CPEB4: variants seen among roughly 807,000 people sequenced by gnomAD.
CPEB4 encodes the protein cytoplasmic polyadenylation element-binding protein 4.
A neutral mutation model predicts 72.5 loss-of-function variants in CPEB4; 12 were observed. The ratio of observed to expected loss-of-function variants is 0.17; its 90% confidence interval spans 0.11 to 0.27. The LOEUF (loss-of-function observed/expected upper bound fraction) is 0.27, where lower values mean the gene tolerates loss of function less well. Ranked by LOEUF, CPEB4 falls within the 10% of genes least tolerant of loss-of-function variation. CPEB4 has a pLI of 1.00. For synonymous variants in CPEB4, 302 were observed against 326.3 expected (o/e 0.93, Z 0.80); for missense variants, 614 against 908.5 (o/e 0.68, Z 4.17).
In CPEB4 at chr5:173,958,791, A is replaced by G. The variant is rs1758457212; in HGVS notation, c.*2654A>G. On this transcript the variant is annotated 3_prime_UTR_variant, in exon 10 of 10. Coordinates refer to ENST00000265085, the MANE Select transcript of CPEB4 (RefSeq NM_030627.4). ...TTAAAATTATTCATAAAATGCAGAC[A>G]TTTTTGGTGAATGTTTAGCCATTTT... 1 of 152,680 alleles carries G rather than the reference A, an allele frequency of 6.5e-6. No individual in the cohort carries two copies. The highest frequency in any genetic ancestry group is 1.5e-5 in the Non-Finnish European group (1 of 68,024). The allele number at this position is 152,680 out of a possible 1,614,324, so 9.5% of individuals were successfully genotyped here.
At chr5:173,954,344 G>A (rs144355992) in intron 9 of CPEB4, among the ~76,000 whole-genome samples, 1 of 152,226 alleles carries the variant, frequency 6.6e-6, no homozygotes, top group African/African-American at 2.4e-5. Context: ...TTCTAAGCAT[G>A]GGGGAGGGAC....
Position 173,957,682 on chromosome 5 carries a change from T to C in CPEB4, c.*1545T>C, listed in dbSNP as rs529008738. On this transcript the variant is annotated 3_prime_UTR_variant, in exon 10 of 10. Coordinates refer to ENST00000265085, the MANE Select transcript of CPEB4 (RefSeq NM_030627.4). Reference sequence around the variant, plus strand: ...AGGTTTATTATCAGTGGGCAAAACATGAAATAATATGATCGAATGGCAATC... The same window carrying C: ...AGGTTTATTATCAGTGGGCAAAACACGAAATAATATGATCGAATGGCAATC... The C allele has an allele frequency of 6.5e-6, 1 of 152,870 alleles. No homozygotes were observed. The highest frequency in any genetic ancestry group is 2.4e-5 in the African/African-American group (1 of 41,574). The allele number at this position is 152,870 out of a possible 1,614,324, so 9.5% of individuals were successfully genotyped here. A position where few individuals can be genotyped will look rare whatever the true frequency, so the allele number is the denominator to read the frequency against.
intron 2 of CPEB4, among the ~76,000 whole-genome samples, chr5:173,911,758 CTTCA>C (rs368468085): frequency 0.013 from 1,846 of 139,084 alleles, 39 homozygotes; most frequent in African/African-American, 0.043. Context: ...CTGTTGGCTC[CTTCA>C]TTCATTCATT....
chr5:173,889,548 T>G lies in CPEB4; in HGVS notation c.-186T>G, dbSNP rs989061970. The G allele has an allele frequency of 1.2e-5, 6 of 492,008 alleles. No homozygotes were observed. Among genetic ancestry groups the G allele is most frequent in the Admixed American group, 3.8e-5 (1 of 26,412 alleles). 30.5% of individuals were successfully genotyped at this position (492,008 alleles called of 1,614,324 possible). Reference sequence around the variant, plus strand: ...AGAGATTTTTTTAAGAGTTGTTTTTTCTTTCAGAGACCAGAATTCCAAATC... The same window carrying G: ...AGAGATTTTTTTAAGAGTTGTTTTTGCTTTCAGAGACCAGAATTCCAAATC... On this transcript the variant is annotated 5_prime_UTR_variant, in exon 1 of 10. Coordinates refer to ENST00000265085, the MANE Select transcript of CPEB4 (RefSeq NM_030627.4).
intron 6 of CPEB4, 78 bp from the exon 7 acceptor site, chr5:173,949,882 T>C: frequency 2.1e-6 from 2 of 970,198 alleles, no homozygotes; most frequent in South Asian, 2.8e-5. Context: ...TTCTTTAGTT[T>C]TGTGCATGAT....
At chr5:173,937,407 G>A (rs1757667734) in intron 3 of CPEB4, among the ~76,000 whole-genome samples, 1 of 151,682 alleles carries the variant, frequency 6.6e-6, no homozygotes, top group Non-Finnish European at 1.5e-5. Context: ...GGAGGGGGAA[G>A]AAATCTATCA....
chr5:173,946,538 G>T (rs1758020378), intron 5 of CPEB4, among the ~76,000 whole-genome samples: 1 of 152,152 alleles, frequency 6.6e-6, no homozygotes, highest in Non-Finnish European at 1.5e-5. Context: ...TGCAAGCATG[G>T]AGAAAATGCA....
rs540636815 is a variant in CPEB4, at chr5:173,950,434, G to A, written c.1665+356G>A. Reference sequence around the variant, plus strand: ...AGCCTGGCCAACATGGTGAAATCCAGTCTTTACTGAAAATACAAAAATTAG... The same window carrying A: ...AGCCTGGCCAACATGGTGAAATCCAATCTTTACTGAAAATACAAAAATTAG... On this transcript the variant is annotated intron_variant, in intron 7 of 9. Coordinates refer to ENST00000265085, the MANE Select transcript of CPEB4 (RefSeq NM_030627.4). This position sits in a 1 kb window ranked among gnomAD's most constrained non-coding sequence, Gnocchi z 5.0. 2.6e-5 allele frequency among the ~76,000 whole-genome samples: 4 copies of A among 152,148 alleles called. No individual in the cohort carries two copies. In the South Asian group the frequency reaches 8.3e-4, roughly 32 times the overall value.
intron 2 of CPEB4, among the ~76,000 whole-genome samples, chr5:173,923,369 T>G (rs1230346406): frequency 6.6e-6 from 1 of 152,228 alleles, no homozygotes; most frequent in African/African-American, 2.4e-5. Flanking sequence ...TTAGATCTCT[T>G]GTGGCTTCTC....
intron 1 of CPEB4, among the ~76,000 whole-genome samples, chr5:173,898,575 A>G (rs1215600801): frequency 1.3e-5 from 2 of 152,256 alleles, no homozygotes; most frequent in African/African-American, 4.8e-5. Flanking sequence ...GTTTTAAGAA[A>G]GCAACTCATC....
intron 1 of CPEB4, among the ~76,000 whole-genome samples, chr5:173,908,424 C>T (rs758477726): frequency 1.3e-5 from 2 of 152,182 alleles, no homozygotes; most frequent in Non-Finnish European, 2.9e-5. Flanking sequence ...CATCCTCACC[C>T]TAACCTTCCC....
intron 1 of CPEB4, among the ~76,000 whole-genome samples, chr5:173,897,645 G>A (rs1391809440): frequency 6.6e-6 from 1 of 152,026 alleles, no homozygotes; most frequent in Non-Finnish European, 1.5e-5. Context: ...TCTATAAATT[G>A]TTTAATCATT....
rs775172394 is a variant in CPEB4, at chr5:173,953,152, C to T, written c.1842C>T (p.Thr614=). ...YGGVCYAGID[T]DPELKYPKGA... ...GTGTGTGCTACGCTGGGATTGATAC[C>T]GACCCTGAGCTAAAATACCCAAAAG... is the stretch of plus-strand genomic sequence containing the variant. Residue 614 remains threonine (T), a synonymous_variant, in exon 9 of 10, where the codon ACC becomes ACT. Coordinates refer to ENST00000265085, the MANE Select transcript of CPEB4 (RefSeq NM_030627.4). The T allele has an allele frequency of 1.1e-5, 17 of 1,613,506 alleles. No individual in the cohort carries two copies. The highest frequency in any genetic ancestry group is 7.7e-5 in the South Asian group (7 of 91,030).
chr5:173,949,503 AT>A lies in CPEB4; in HGVS notation c.1457-3del. The A allele has an allele frequency of 6.3e-7, 1 of 1,597,620 alleles. No homozygotes were observed. The highest frequency in any genetic ancestry group is 8.6e-7 in the Non-Finnish European group (1 of 1,167,998). On this transcript the variant is annotated splice_polypyrimidine_tract_variant and splice_region_variant and intron_variant, in intron 5 of 9. Coordinates refer to ENST00000265085, the MANE Select transcript of CPEB4 (RefSeq NM_030627.4). Reference sequence around the variant, plus strand: ...AATCTACTGTTTTCCTTTGTTGTTTATTAGATGAGATCACAGCTAGTTTTCG... The same window carrying A: ...AATCTACTGTTTTCCTTTGTTGTTTATAGATGAGATCACAGCTAGTTTTCG...
Position 173,932,517 on chromosome 5 carries a change from T to C in CPEB4, c.1258+17T>C, listed in dbSNP as rs771413467. On this transcript the variant is annotated intron_variant, in intron 3 of 9. Transcript: ENST00000265085. ...TTATTAATGGTAAGTGATAATTGAT[T>C]TACCCTAGTGAAGTGCACAAAACTG... 12 of 1,604,338 alleles carry C rather than the reference T, an allele frequency of 7.5e-6. No homozygotes were observed. In the East Asian group the frequency reaches 2.5e-4, roughly 33 times the overall value.
intron 3 of CPEB4, among the ~76,000 whole-genome samples, chr5:173,933,292 C>T (rs1486770973): frequency 1.3e-5 from 2 of 152,224 alleles, no homozygotes; most frequent in Admixed American, 1.3e-4. Flanking sequence ...GCTATATTCT[C>T]ATAATTCCCA....
intron 2 of CPEB4, among the ~76,000 whole-genome samples, chr5:173,911,762 A>C (rs117171642): frequency 8.1e-6 from 1 of 123,928 alleles, no homozygotes; most frequent in East Asian, 2.2e-4. Flanking sequence ...TGGCTCCTTC[A>C]TTCATTCATT....
intron 9 of CPEB4, among the ~76,000 whole-genome samples, chr5:173,953,891 C>CA (rs1258316599): frequency 1.3e-5 from 2 of 152,264 alleles, no homozygotes; most frequent in African/African-American, 4.8e-5. Context: ...CAGTACTACT[C>CA]AGAGTGTGGC....
chr5:173,889,739 G>A lies in CPEB4; in HGVS notation c.6G>A (p.Gly2=). The change falls in exon 1 of 10, where the codon GGG becomes GGA. Residue 2 remains glycine, a synonymous_variant. Coordinates refer to ENST00000265085, the MANE Select transcript of CPEB4 (RefSeq NM_030627.4). ...TCTGCTCCTAAAGATAATAAATGGG[G>A]GATTACGGGTTTGGAGTGCTAGTGC... The part of the protein sequence containing the change: M[G]DYGFGVLVQS... The A allele has an allele frequency of 6.4e-7, 1 of 1,570,748 alleles. No individual in the cohort carries two copies. Among genetic ancestry groups the A allele is most frequent in the Non-Finnish European group, 8.6e-7 (1 of 1,159,704 alleles).
Sources: gnomAD v4.1 joint callset for allele counts (sites outside exome capture counted in the v4.1 genomes callset) on GRCh38, gnomAD v4.1.1 for gene constraint, Gnocchi (gnomAD v3.1) non-coding constraint, MANE v1.5 for transcripts, NCBI Gene and HGNC (gene_info 2026-07-23, HGNC 2026-07-21) for gene names.